NOMO2: variants seen among roughly 807,000 people sequenced by gnomAD.
The protein encoded by NOMO2 is NODAL modulator 2, also known as BOS complex subunit NOMO2.
In NOMO2, 14 loss-of-function variants were observed where a neutral mutation model predicts 67.1. The ratio of observed to expected loss-of-function variants is 0.21; its 90% CI spans 0.14 to 0.33. NOMO2 has a LOEUF of 0.33. NOMO2 is among the 10% of genes least tolerant of loss of function. The pLI, the probability that NOMO2 is intolerant of heterozygous loss-of-function variation, is 1.00. For synonymous variants in NOMO2, 80 were observed against 305.9 expected (o/e 0.26, Z 7.71); for missense variants, 178 against 761.0 (o/e 0.23, Z 9.01).
At chr16:18,546,278 CAAA>C (rs71388802) in intron 6 of NOMO2, among the ~76,000 whole-genome samples, 1 of 17,942 alleles carries the variant, frequency 5.6e-5, no homozygotes, top group African/African-American at 2.0e-4. Context: ...GACCCTGTTG[CAAA>C]AAAAAAAAAA....
Position 18,524,759 on chromosome 16 carries a change from C to G in NOMO2, c.1895-207G>C, listed in dbSNP as rs2561937. On this transcript the variant is annotated intron_variant, in intron 16 of 30. Coordinates refer to ENST00000622306, the MANE Select transcript of NOMO2 (RefSeq NM_173614.4). ...CCAATGACCCGATCCATGCAATGGC[C>G]CGATCACAGGCGCATGATTTTCATT... is the stretch of plus-strand genomic sequence containing the variant. 3.4e-5 allele frequency among the ~76,000 whole-genome samples: 5 copies of G among 145,676 alleles called. No individual in the cohort carries two copies. In the South Asian group the frequency reaches 6.8e-4, roughly 20 times the overall value.
chr16:18,549,285 G>C (rs1281037037), intron 5 of NOMO2, among the ~76,000 whole-genome samples: 1 of 149,806 alleles, frequency 6.7e-6, no homozygotes, highest in East Asian at 2.0e-4. Context: ...CAATATGCCT[G>C]GCCAGTATGA....
chr16:18,554,595 T>C (rs1204393813), intron 3 of NOMO2, among the ~76,000 whole-genome samples: 1 of 144,646 alleles, frequency 6.9e-6, no homozygotes, highest in Non-Finnish European at 1.5e-5. Context: ...GATGTCTATT[T>C]TTCAAAGGTG....
chr16:18,555,591 C>A (rs1901885029), intron 2 of NOMO2, among the ~76,000 whole-genome samples: 1 of 151,548 alleles, frequency 6.6e-6, no homozygotes, highest in Non-Finnish European at 1.5e-5. Context: ...ACTTATCAAC[C>A]CTGGTTTCTT....
At chr16:18,545,457 T>C (rs375146682) in intron 6 of NOMO2, among the ~76,000 whole-genome samples, 12 of 151,876 alleles carry the variant, frequency 7.9e-5, no homozygotes, top group East Asian at 3.9e-4. Flanking sequence ...CCAAAAGTCA[T>C]AAACAGTAAG....
intron 2 of NOMO2, among the ~76,000 whole-genome samples, chr16:18,555,660 G>A (rs1215022723): frequency 1.4e-5 from 2 of 148,072 alleles, no homozygotes; most frequent in African/African-American, 5.0e-5. Context: ...CCAGGCTGGA[G>A]TGAAGTGGTG....
chr16:18,559,197 A>C (rs1901982017), intron 1 of NOMO2, among the ~76,000 whole-genome samples: 1 of 152,060 alleles, frequency 6.6e-6, no homozygotes, highest in Non-Finnish European at 1.5e-5. Context: ...AAAATGGAAA[A>C]AGCAGTTTGT....
chr16:18,561,197 A>ACAAAAC (rs1452611006), intron 1 of NOMO2, among the ~76,000 whole-genome samples: 1 of 126,794 alleles, frequency 7.9e-6, no homozygotes, highest in African/African-American at 2.7e-5. Flanking sequence ...AAAAAAAAAA[A>ACAAAAC]AAAAAAAAAA....
intron 11 of NOMO2, among the ~76,000 whole-genome samples, chr16:18,535,836 G>A (rs887859436): frequency 1.3e-5 from 2 of 151,736 alleles, no homozygotes; most frequent in East Asian, 1.9e-4. Flanking sequence ...TCACCCTGTC[G>A]GCCAGGCTGG....
rs1902066752 is a variant in NOMO2 at position 18,561,997 on chromosome 16, AC to A, written c.43del (p.Val15SerfsTer9). ...QGAGLLGPAV[V>X]TAAVVLLLSG... ...CAGCAGCAGCACCACCGCGGCGGTG[AC>A]CACCGCGGGCCCCAGCAGCCCCGCG... On this transcript the variant is annotated frameshift_variant, in exon 1 of 31. Coordinates refer to ENST00000622306, the MANE Select transcript of NOMO2 (RefSeq NM_173614.4). LOFTEE classifies it high-confidence loss of function. 8 of 1,555,372 alleles carry A rather than the reference AC, an allele frequency of 5.1e-6. No homozygotes were observed. Among genetic ancestry groups the A allele is most frequent in the African/African-American group, 1.4e-5 (1 of 71,622 alleles).
chr16:18,529,609 C>G lies in NOMO2; in HGVS notation c.1698G>C (p.Trp566Cys). ...CTTCCACCTCCAGGCTCTTGTTCTT[C>G]CAGCACCAATCCTCATGCATGATGC... is the stretch of plus-strand genomic sequence containing the variant. ...KISIMHEDWCWKNKSLEVEVL... is the reference protein window; with the variant it reads ...KISIMHEDWCCKNKSLEVEVL... The change falls in exon 15 of 31, where the codon TGG becomes TGC. Residue 566 changes from tryptophan to cysteine, a missense_variant. Physicochemically the swap from Trp to Cys is radical, Grantham distance 215. Transcript: ENST00000622306. 3 of 1,602,378 alleles carry G rather than the reference C, an allele frequency of 1.9e-6. No individual in the cohort carries two copies. Among genetic ancestry groups the G allele is most frequent in the Non-Finnish European group, 2.6e-6 (3 of 1,173,746 alleles).
At position 18,557,054 on chromosome 16, in the gene NOMO2, G is replaced by A. The variant is rs185238613; in HGVS notation, c.255+648C>T. Reference sequence around the variant, plus strand: ...AGGAAGGAAAATGGCTTGAACCTGGGGGGTGGAGGTTGGAGTGAGGCAAGA... The same window carrying A: ...AGGAAGGAAAATGGCTTGAACCTGGAGGGTGGAGGTTGGAGTGAGGCAAGA... On this transcript the variant is annotated intron_variant, in intron 2 of 30. Transcript: ENST00000622306. Among the ~76,000 whole-genome samples, 4 of 152,090 alleles carry A rather than the reference G, an allele frequency of 2.6e-5. No homozygotes were observed. The East Asian group carries it at 7.7e-4, about 29-fold the overall frequency.
chr16:18,557,053 G>C lies in NOMO2; in HGVS notation c.255+649C>G, dbSNP rs547901813. On this transcript the variant is annotated intron_variant, in intron 2 of 30. Coordinates refer to ENST00000622306, the MANE Select transcript of NOMO2 (RefSeq NM_173614.4). ...TAGGAAGGAAAATGGCTTGAACCTG[G>C]GGGGTGGAGGTTGGAGTGAGGCAAG... Among the ~76,000 whole-genome samples the C allele has an allele frequency of 2.7e-5, 4 of 150,684 alleles. No homozygotes were observed. In the East Asian group the frequency reaches 7.7e-4, roughly 29 times the overall value.
intron 15 of NOMO2, among the ~76,000 whole-genome samples, chr16:18,528,728 G>C (rs922668459): frequency 6.6e-6 from 1 of 151,424 alleles, no homozygotes; most frequent in African/African-American, 2.4e-5. Flanking sequence ...GCCAACACAG[G>C]TGGATCCCCT....
chr16:18,534,157 T>C (rs1237093061), intron 11 of NOMO2, among the ~76,000 whole-genome samples: 1 of 151,856 alleles, frequency 6.6e-6, no homozygotes, highest in African/African-American at 2.4e-5. Flanking sequence ...TGGAAGATTG[T>C]GTATGTGAAA....
Position 18,545,288 on chromosome 16 carries a change from C to T in NOMO2, c.583-1519G>A, listed in dbSNP as rs1236490540. Among the ~76,000 whole-genome samples, 196 of 148,510 alleles carry T rather than the reference C, an allele frequency of 1.3e-3. 3 individuals carry two copies. Among genetic ancestry groups the T allele is most frequent in the African/African-American group, 4.4e-3 (181 of 40,746 alleles). ...TTTTTTTCTATTTTTAGTAGAGATGCGGTTTCACCATGTTGGCCAGGTTGG... is the reference window on the plus strand; with the variant it reads ...TTTTTTTCTATTTTTAGTAGAGATGTGGTTTCACCATGTTGGCCAGGTTGG... On this transcript the variant is annotated intron_variant, in intron 6 of 30. Coordinates refer to ENST00000622306, the MANE Select transcript of NOMO2 (RefSeq NM_173614.4).
chr16:18,537,329 G>A lies in NOMO2; in HGVS notation c.1220+1197C>T, dbSNP rs553901290. On this transcript the variant is annotated intron_variant, in intron 11 of 30. Transcript: ENST00000622306. ...CTTCCCTACAAGGCAAGCCCTTGTC[G>A]TCTCTGCTTTCAGACCTCCTGTGCC... is the stretch of plus-strand genomic sequence containing the variant. 2.5e-4 allele frequency among the ~76,000 whole-genome samples: 38 copies of A among 150,234 alleles called. No individual in the cohort carries two copies. In the South Asian group the frequency reaches 6.5e-3, roughly 26 times the overall value.
Position 18,531,553 on chromosome 16 carries a change from A to G in NOMO2, c.1450T>C (p.Phe484Leu). The G allele has an allele frequency of 1.2e-6, 2 of 1,608,630 alleles. No individual in the cohort carries two copies. The highest frequency in any genetic ancestry group is 1.7e-6 in the Non-Finnish European group (2 of 1,178,240). Residue 484 changes from phenylalanine to leucine, a missense_variant, in exon 13 of 31, where the codon TTT (phenylalanine) becomes CTT (leucine). Transcript: ENST00000622306. The part of the protein sequence containing the change: ...RAGLTLKPQT[F>L]PLTVTDRPVM... The stretch of plus-strand genomic sequence containing the variant: ...GGCCTGTCGGTCACAGTAAGAGGAA[A>G]TGTCTGGGGTTTCAACGTCAGCCCT...
rs1319687322 is a variant in NOMO2, at chr16:18,553,149, A to C, written c.302-1610T>G. Among the ~76,000 whole-genome samples, 56 of 151,564 alleles carry C rather than the reference A, an allele frequency of 3.7e-4. 1 individual carries two copies. The highest frequency in any genetic ancestry group is 1.0e-3 in the African/African-American group (42 of 41,150). The stretch of plus-strand genomic sequence containing the variant: ...AATTAGCTGGGTGTGGTGGTGCACA[A>C]CTGTAATCTCATCTACTGAGGAAGC... On this transcript the variant is annotated intron_variant, in intron 3 of 30. Coordinates refer to ENST00000622306, the MANE Select transcript of NOMO2 (RefSeq NM_173614.4).
Sources: allele counts gnomAD v4.1 joint callset (sites outside exome capture counted in the v4.1 genomes callset), GRCh38; gene constraint gnomAD v4.1.1; transcripts MANE v1.5; gene names NCBI Gene and HGNC (gene_info 2026-07-23, HGNC 2026-07-21).